The following C1QTNF3 variants were observed in gnomAD, a reference collection of about 807,000 sequenced individuals.
C1QTNF3 encodes C1q and TNF related 3.
Under a neutral mutation model 32.6 loss-of-function variants are expected in C1QTNF3, and 26 were observed. The ratio of observed to expected loss-of-function variants is 0.80; its 90% CI spans 0.58 to 1.11. The LOEUF (loss-of-function observed/expected upper bound fraction) is 1.11, where lower values mean the gene tolerates loss of function less well. Among genes scored for constraint, C1QTNF3 ranks in the 50% least tolerant of loss-of-function variants. The pLI is 0.00. For missense variants in C1QTNF3, 362 were observed against 398.2 expected, an observed-to-expected ratio of 0.91 and a Z score of 0.77; for synonymous variants, 155 against 146.0, an observed-to-expected ratio of 1.06 and a Z score of -0.44.
chr5:34,061,852 G>C, the C1QTNF3 span, among the ~76,000 whole-genome samples: 1 of 152,120 alleles, frequency 6.6e-6, no homozygotes, highest in Admixed American at 6.5e-5. Context: ...TTTTCCCCAT[G>C]GTCTTGGGGA....
chr5:34,120,814 T>G, the C1QTNF3 span, among the ~76,000 whole-genome samples: 2 of 152,188 alleles, frequency 1.3e-5, no homozygotes, highest in Admixed American at 1.3e-4. Context: ...AATTGCCCAG[T>G]TTCAGGCATG....
chr5:34,045,511 T>C (rs1472177160), upstream of C1QTNF3, among the ~76,000 whole-genome samples: 1 of 152,170 alleles, frequency 6.6e-6, no homozygotes, highest in Non-Finnish European at 1.5e-5. Flanking sequence ...GCACTTACCA[T>C]GTGCTAGCCA....
intron 3 of C1QTNF3, chr5:34,033,021 T>C: frequency 3.0e-6 from 1 of 333,954 alleles, no homozygotes; most frequent in Non-Finnish European, 5.4e-6. Flanking sequence ...TTTGGGAAAA[T>C]AGGAGATAAG....
At chr5:34,146,078 T>C in the C1QTNF3 span, among the ~76,000 whole-genome samples, 2 of 152,208 alleles carry the variant, frequency 1.3e-5, no homozygotes, top group African/African-American at 4.8e-5. Context: ...CTGGAAACAT[T>C]CCCCTTAAGA....
chr5:34,141,476 T>G, the C1QTNF3 span, among the ~76,000 whole-genome samples: 1 of 152,230 alleles, frequency 6.6e-6, no homozygotes, highest in East Asian at 1.9e-4. Context: ...TTTCCCATTG[T>G]TTCTAGTGGT....
the C1QTNF3 span, among the ~76,000 whole-genome samples, chr5:34,110,950 T>C: frequency 3.9e-5 from 6 of 152,196 alleles, no homozygotes; most frequent in African/African-American, 1.4e-4. Flanking sequence ...AATGAGTTTA[T>C]GGTCTAACTG....
chr5:34,159,065 A>C, the C1QTNF3 span, among the ~76,000 whole-genome samples: 1 of 152,106 alleles, frequency 6.6e-6, no homozygotes, highest in Non-Finnish European at 1.5e-5. Context: ...AACACCAAAT[A>C]AGTCAGTGCC....
rs75083192 is a variant in C1QTNF3 at position 34,024,928 on chromosome 5, C to G, written c.701-920G>C. Among the ~76,000 whole-genome samples the G allele has an allele frequency of 6.7e-3, 1,023 of 152,282 alleles. 47 individuals are homozygous for G. The East Asian group carries it at 0.13, about 19-fold the overall frequency. ...CCATGTTACATTTTAAACTAATGGCCTTTCAAGACAATAACCCAGAAATAG... is the reference window on the plus strand; with the variant it reads ...CCATGTTACATTTTAAACTAATGGCGTTTCAAGACAATAACCCAGAAATAG... On this transcript the variant is annotated intron_variant, in intron 4 of 5. Transcript: ENST00000382065.
the C1QTNF3 span, among the ~76,000 whole-genome samples, chr5:34,157,698 T>G: frequency 6.6e-6 from 1 of 152,162 alleles, no homozygotes; most frequent in South Asian, 2.1e-4. Flanking sequence ...GGACCAAGGG[T>G]TAAGGAATGT....
At chr5:34,154,963 G>A in the C1QTNF3 span, among the ~76,000 whole-genome samples, 18 of 152,168 alleles carry the variant, frequency 1.2e-4, no homozygotes, top group African/African-American at 3.6e-4. Flanking sequence ...TAAAAATCCC[G>A]TAAATATGTG....
the C1QTNF3 span, among the ~76,000 whole-genome samples, chr5:34,153,767 T>C: frequency 0.01 from 1,061 of 102,882 alleles, 10 homozygotes; most frequent in South Asian, 0.028. Flanking sequence ...GATGACACAT[T>C]AGTGGGTGCA....
At chr5:34,095,092 G>A in the C1QTNF3 span, among the ~76,000 whole-genome samples, 1 of 151,606 alleles carries the variant, frequency 6.6e-6, no homozygotes, top group Non-Finnish European at 1.5e-5. Flanking sequence ...AGTAGAATAG[G>A]GTGACTATAG....
upstream of C1QTNF3, among the ~76,000 whole-genome samples, chr5:34,047,063 A>C (rs533530712): frequency 6.6e-6 from 1 of 152,160 alleles, no homozygotes; most frequent in Non-Finnish European, 1.5e-5. Flanking sequence ...ATTGGGCATA[A>C]TTTTTTACCT....
At chr5:34,153,990 A>G in the C1QTNF3 span, among the ~76,000 whole-genome samples, 47 of 151,794 alleles carry the variant, frequency 3.1e-4, no homozygotes, top group East Asian at 8.5e-3. Flanking sequence ...AGTATAGATT[A>G]ATCACATAAT....
chr5:34,238,890 G>C, the C1QTNF3 span, among the ~76,000 whole-genome samples: 1 of 152,098 alleles, frequency 6.6e-6, no homozygotes, highest in Admixed American at 6.5e-5. Context: ...GGCAGCTAGA[G>C]AGAAAGGTCA....
At chr5:34,031,753 T>C (rs560432807) in intron 3 of C1QTNF3, among the ~76,000 whole-genome samples, 19 of 152,292 alleles carry the variant, frequency 1.2e-4, no homozygotes, top group African/African-American at 4.6e-4. Context: ...GAGAATCGCT[T>C]GAACCTTGGT....
At chr5:34,138,444 C>A in the C1QTNF3 span, among the ~76,000 whole-genome samples, 1 of 151,956 alleles carries the variant, frequency 6.6e-6, no homozygotes, top group Non-Finnish European at 1.5e-5. Context: ...TATATTGTAA[C>A]TTTTTCTTAC....
intron 5 of C1QTNF3, among the ~76,000 whole-genome samples, chr5:34,022,993 C>A (rs773062049): frequency 2.6e-5 from 4 of 152,062 alleles, no homozygotes; most frequent in Non-Finnish European, 4.4e-5. Flanking sequence ...GTAGCTGGGA[C>A]TACAGGCGCC....
At position 34,019,590 on chromosome 5, in the gene C1QTNF3, A is replaced by T. The variant is rs1338675886; in HGVS notation, c.*993T>A. 6.6e-6 allele frequency: 1 copy of T among 152,230 alleles called. No individual in the cohort carries two copies. The highest frequency in any genetic ancestry group is 1.5e-5 in the Non-Finnish European group (1 of 68,038). 9.4% of individuals were successfully genotyped at this position (152,230 alleles called of 1,614,324 possible). ...TGCTGTGTGCCCAAGTCACCTATTC[A>T]CATGGCTGTTCACATCATCTGCATG... On this transcript the variant is annotated 3_prime_UTR_variant, in exon 6 of 6. Coordinates refer to ENST00000382065, the MANE Select transcript of C1QTNF3 (RefSeq NM_181435.6).
Sources: allele counts gnomAD v4.1 joint callset (sites outside exome capture counted in the v4.1 genomes callset), GRCh38; gene constraint gnomAD v4.1.1; transcripts MANE v1.5; gene names NCBI Gene and HGNC (gene_info 2026-07-23, HGNC 2026-07-21).